Variants in UBE3C observed in about 807,000 individuals in gnomAD.
The protein encoded by UBE3C is ubiquitin-protein ligase E3C.
A neutral mutation model predicts 129.4 loss-of-function variants in UBE3C; 42 were observed. The ratio of observed to expected loss-of-function variants is 0.32; its 90% CI spans 0.25 to 0.42. The LOEUF (loss-of-function observed/expected upper bound fraction) is 0.42, where lower values mean the gene tolerates loss of function less well. UBE3C is among the 10% of genes least tolerant of loss of function. UBE3C has a pLI of 1.00. For missense variants in UBE3C, 1,049 were observed against 1,319.1 expected (o/e 0.80, Z 3.17); for synonymous variants, 510 against 492.4 (o/e 1.04, Z -0.47).
At chr7:157,206,931 A>G (rs1195841419) in intron 11 of UBE3C, among the ~76,000 whole-genome samples, 1 of 152,206 alleles carries the variant, frequency 6.6e-6, no homozygotes, top group African/African-American at 2.4e-5. Context: ...TTTGGCTTCA[A>G]TATTGAATAG....
chr7:157,205,881 T>C (rs904163123), intron 11 of UBE3C, among the ~76,000 whole-genome samples: 1 of 152,208 alleles, frequency 6.6e-6, no homozygotes, highest in Non-Finnish European at 1.5e-5. Flanking sequence ...CCCTGAACCA[T>C]GCACCATGGA....
At chr7:157,240,302 A>G (rs914919380) in intron 18 of UBE3C, among the ~76,000 whole-genome samples, 1 of 151,958 alleles carries the variant, frequency 6.6e-6, no homozygotes, top group Non-Finnish European at 1.5e-5. Context: ...TGATCCGCCC[A>G]CCTCAGCCTC....
chr7:157,202,139 G>C (rs957718988), intron 11 of UBE3C, among the ~76,000 whole-genome samples: 1 of 152,148 alleles, frequency 6.6e-6, no homozygotes, highest in Non-Finnish European at 1.5e-5. Flanking sequence ...ATACAGATTT[G>C]AAGTAAATTA....
rs547012691 is a variant in UBE3C, at chr7:157,256,566, G to A, written c.2951-348G>A. ...GAATTCCGCTTTTGCATTTACAATC[G>A]GTCCTTCATATCTGTGGGTTCTGTC... On this transcript the variant is annotated intron_variant, in intron 21 of 22. Coordinates refer to ENST00000348165, the MANE Select transcript of UBE3C (RefSeq NM_014671.3). 4.3e-4 allele frequency: 71 copies of A among 165,238 alleles called. No homozygotes were observed. In the East Asian group the frequency reaches 9.2e-3, roughly 21 times the overall value. The allele number at this position is 165,238 out of a possible 1,614,324, so 10.2% of individuals were successfully genotyped here. A position where few individuals can be genotyped will look rare whatever the true frequency, so the allele number is the denominator to read the frequency against.
rs34998574 is a variant in UBE3C, at chr7:157,172,027, C to CTT, written c.342+1588_342+1589dup. 9.3e-3 allele frequency among the ~76,000 whole-genome samples: 1,318 copies of CTT among 141,966 alleles called. 19 individuals are homozygous for CTT. The highest frequency in any genetic ancestry group is 0.033 in the African/African-American group (1,256 of 38,532). 93.1% of individuals were successfully genotyped at this position (141,966 alleles called of 152,430 possible). A position where few individuals can be genotyped will look rare whatever the true frequency, so the allele number is the denominator to read the frequency against. On this transcript the variant is annotated intron_variant, in intron 4 of 22. Transcript: ENST00000348165. ...GGCCTAGGTTAAATATGCTATTTAT[C>CTT]TTTTTTTTTTTTCCTTTTTGAGACG...
intron 22 of UBE3C, among the ~76,000 whole-genome samples, chr7:157,258,526 T>C (rs1182372): frequency 0.95 from 145,474 of 152,364 alleles, 69,516 homozygotes; most frequent in East Asian, 0.99. Flanking sequence ...ATGGCGTGAT[T>C]TCCGCTCACT....
At chr7:157,219,146 A>G (rs374507232) in intron 14 of UBE3C, among the ~76,000 whole-genome samples, 4 of 152,300 alleles carry the variant, frequency 2.6e-5, no homozygotes, top group Non-Finnish European at 5.9e-5. Context: ...GCGCATGTCT[A>G]GGGTCTGCTG....
intron 22 of UBE3C, among the ~76,000 whole-genome samples, chr7:157,264,812 T>A (rs1797033569): frequency 6.6e-6 from 1 of 152,184 alleles, no homozygotes; most frequent in African/African-American, 2.4e-5. Flanking sequence ...CCTCAGGTGA[T>A]CCACCCGTTG....
At chr7:157,207,973 A>G (rs199626678) in intron 13 of UBE3C, 38 bp downstream of exon 13, 1 of 1,342,162 alleles carries the variant, frequency 7.5e-7, no homozygotes, top group African/African-American at 1.5e-5. Context: ...ACTGACATTG[A>G]AAAATGTACA....
intron 14 of UBE3C, chr7:157,217,291 A>G (rs1420707516): frequency 5.2e-6 from 1 of 191,796 alleles, no homozygotes; most frequent in African/African-American, 2.4e-5. Context: ...CTAGTATTTA[A>G]AAGAGATAGA....
chr7:157,267,596 C>G lies in UBE3C; in HGVS notation c.3093C>G (p.Pro1031=). The change falls in exon 23 of 23, where the codon CCC becomes CCG. Residue 1031 remains proline, a synonymous_variant. Transcript: ENST00000348165. ...PPLLGFKELY[P]AFCIHNGGSD... is the part of the protein sequence containing the mutation. ...ATGCTGTTTTTCAGGAGTTGTATCC[C>G]GCATTTTGTATTCACAACGGAGGCT... 4 of 1,612,830 alleles carry G rather than the reference C, an allele frequency of 2.5e-6. No homozygotes were observed. In the South Asian group the frequency reaches 4.4e-5, roughly 18 times the overall value.
chr7:157,141,857 T>A (rs1807461796), intron 1 of UBE3C, among the ~76,000 whole-genome samples: 1 of 152,176 alleles, frequency 6.6e-6, no homozygotes. Context: ...GCATTGCCCT[T>A]TGTGTGAACG....
chr7:157,158,289 G>A (rs538985298), intron 1 of UBE3C, among the ~76,000 whole-genome samples: 2 of 152,230 alleles, frequency 1.3e-5, no homozygotes, highest in East Asian at 3.9e-4. Context: ...GACTGGCCGA[G>A]AGAGGGAACC....
intron 5 of UBE3C, among the ~76,000 whole-genome samples, 193 bp downstream of exon 5, chr7:157,175,227 T>C (rs1448672831): frequency 6.8e-6 from 1 of 148,056 alleles, no homozygotes; most frequent in East Asian, 2.0e-4. Context: ...GAGGTATAAA[T>C]GAAGACACAT....
chr7:157,159,197 C>T (rs1807998896), intron 1 of UBE3C, among the ~76,000 whole-genome samples: 1 of 151,994 alleles, frequency 6.6e-6, no homozygotes, highest in South Asian at 2.1e-4. Flanking sequence ...AAACTTTCAC[C>T]ATGGCATACA....
intron 10 of UBE3C, chr7:157,197,996 A>G: frequency 1.2e-6 from 2 of 1,607,252 alleles, no homozygotes; most frequent in Non-Finnish European, 1.7e-6. Flanking sequence ...CTTGATCCTG[A>G]TGGTCCTCCA....
At chr7:157,172,483 G>A (rs553089091) in intron 4 of UBE3C, among the ~76,000 whole-genome samples, 8 of 152,174 alleles carry the variant, frequency 5.3e-5, no homozygotes, top group Middle Eastern at 3.4e-3. Flanking sequence ...TAATTACAGC[G>A]GACAAAGGAA....
chr7:157,239,137 A>C (rs1182396), intron 18 of UBE3C, among the ~76,000 whole-genome samples: 78,605 of 152,058 alleles, frequency 0.52, 23,272 homozygotes, highest in Non-Finnish European at 0.66. Flanking sequence ...TGTACCTATT[A>C]ATTAGAATAC....
At chr7:157,192,035 T>G (rs1808982881) in intron 10 of UBE3C, among the ~76,000 whole-genome samples, 1 of 152,260 alleles carries the variant, frequency 6.6e-6, no homozygotes, top group Non-Finnish European at 1.5e-5. Flanking sequence ...CAGCACATAG[T>G]GATCTTAAAA....
Sources: allele counts gnomAD v4.1 joint callset (sites outside exome capture counted in the v4.1 genomes callset), GRCh38; gene constraint gnomAD v4.1.1; transcripts MANE v1.5; gene names NCBI Gene and HGNC (gene_info 2026-07-23, HGNC 2026-07-21).